The following DAB1 variants were observed in gnomAD, a reference collection of about 807,000 sequenced individuals.
The protein encoded by DAB1 is DAB adaptor protein 1, also known as disabled homolog 1.
Under a neutral mutation model 64.6 loss-of-function variants are expected in DAB1, and 15 were observed. That is an observed-to-expected ratio of 0.23 (90% CI 0.16 to 0.36). The LOEUF is 0.36. Among genes scored for constraint, DAB1 ranks in the 10% least tolerant of loss-of-function variants. The probability of loss-of-function intolerance (pLI) is 1.00; values close to 1 mark genes in which losing one functional copy is unlikely to be tolerated. For synonymous variants in DAB1, 235 were observed against 251.9 expected (o/e 0.93, Z 0.64); for missense variants, 596 against 706.7 (o/e 0.84, Z 1.78).
intron 1 of DAB1, among the ~76,000 whole-genome samples, chr1:57,332,989 C>A (rs1676797414): frequency 1.3e-5 from 2 of 152,298 alleles, no homozygotes; most frequent in South Asian, 4.1e-4. Context: ...CTTCGCTTTG[C>A]TCTTTGCGTG....
At chr1:57,198,890 G>C (rs1476523406) in intron 2 of DAB1, among the ~76,000 whole-genome samples, 4 of 152,126 alleles carry the variant, frequency 2.6e-5, no homozygotes, top group Non-Finnish European at 5.9e-5. Context: ...AGTGTGTTGA[G>C]TGTGGAATAG....
chr1:57,188,033 T>C (rs1398006356), intron 2 of DAB1, among the ~76,000 whole-genome samples: 1 of 152,120 alleles, frequency 6.6e-6, no homozygotes, highest in African/African-American at 2.4e-5. Context: ...GCCTGGAACA[T>C]AGGAAAGATG....
chr1:57,897,402 T>C (rs987027816), intron 5 of DAB1, among the ~76,000 whole-genome samples: 2 of 152,114 alleles, frequency 1.3e-5, no homozygotes, highest in African/African-American at 4.8e-5. Flanking sequence ...ATCTTGTCTT[T>C]TCATTGTGGA....
At chr1:57,160,277 G>A (rs768494831) in intron 2 of DAB1, among the ~76,000 whole-genome samples, 2 of 152,118 alleles carry the variant, frequency 1.3e-5, no homozygotes, top group Non-Finnish European at 2.9e-5. Context: ...CTTTTTCATT[G>A]TCCTTTTGTT....
At chr1:57,595,854 C>G (rs12741785) in intron 7 of DAB1, among the ~76,000 whole-genome samples, 36,141 of 152,032 alleles carry the variant, frequency 0.24, 4,716 homozygotes, top group East Asian at 0.29. Context: ...GTGCCTGCTT[C>G]CCCTTCCCCT....
intron 5 of DAB1, among the ~76,000 whole-genome samples, chr1:57,939,562 C>G (rs1645073966): frequency 6.6e-6 from 1 of 152,192 alleles, no homozygotes; most frequent in African/African-American, 2.4e-5. Flanking sequence ...CCAACTCTTC[C>G]TTGTCCTTAA....
chr1:57,867,315 T>C (rs1654347715), intron 1 of DAB1: 1 of 152,132 alleles, frequency 6.6e-6, no homozygotes, highest in Non-Finnish European at 1.5e-5. Context: ...ACCCTGGCGT[T>C]TGCCACCCCT....
At chr1:58,229,046 A>G (rs980414430) in intron 4 of DAB1, 3 of 299,400 alleles carry the variant, frequency 1.0e-5, no homozygotes, top group Middle Eastern at 9.9e-4. Context: ...AACTCACTGC[A>G]ACCTTGAACT....
chr1:58,439,591 C>T (rs982862436), intron 3 of DAB1, among the ~76,000 whole-genome samples: 3 of 152,156 alleles, frequency 2.0e-5, no homozygotes, highest in Non-Finnish European at 4.4e-5. Flanking sequence ...CCACTGGCCC[C>T]AGCATTTTAC....
At chr1:57,757,992 A>C (rs1648897895) in intron 6 of DAB1, among the ~76,000 whole-genome samples, 1 of 152,054 alleles carries the variant, frequency 6.6e-6, no homozygotes, top group Non-Finnish European at 1.5e-5. Flanking sequence ...AATTAAAAGA[A>C]AAATTGTAGA....
At chr1:57,208,619 T>A (rs1013876754) in intron 2 of DAB1, among the ~76,000 whole-genome samples, 1 of 152,230 alleles carries the variant, frequency 6.6e-6, no homozygotes, top group African/African-American at 2.4e-5. Context: ...ATCTGGCACA[T>A]GGTAAGTGAT....
intron 7 of DAB1, among the ~76,000 whole-genome samples, chr1:57,611,732 GGCCATCTGGCAGCA>G (rs530064346): frequency 1.9e-4 from 29 of 152,172 alleles, no homozygotes; most frequent in African/African-American, 5.1e-4. Context: ...GCCTGTCCTG[GGCCATCTGGCAGCA>G]GCCCCTAGCA....
intron 2 of DAB1, among the ~76,000 whole-genome samples, chr1:57,230,320 G>GAAA (rs77981305): frequency 3.3e-5 from 3 of 91,326 alleles, no homozygotes; most frequent in African/African-American, 3.8e-5. Flanking sequence ...CCCCTTCAGA[G>GAAA]AAAAAAAAAA....
At chr1:58,075,714 TA>T (rs1649595154) in intron 5 of DAB1, among the ~76,000 whole-genome samples, 1 of 152,186 alleles carries the variant, frequency 6.6e-6, no homozygotes, top group Admixed American at 6.5e-5. Flanking sequence ...TTCAAGAATG[TA>T]CTAGAACCAA....
intron 2 of DAB1, among the ~76,000 whole-genome samples, chr1:57,233,727 C>T (rs1667879371): frequency 6.6e-6 from 1 of 151,428 alleles, no homozygotes; most frequent in Admixed American, 6.6e-5. Flanking sequence ...CCACTGCACT[C>T]CAGCCTGGGC....
chr1:57,973,845 C>T (rs1645856110), intron 5 of DAB1, among the ~76,000 whole-genome samples: 2 of 152,130 alleles, frequency 1.3e-5, no homozygotes, highest in South Asian at 2.1e-4. Flanking sequence ...TCTTGCCTCC[C>T]TATAGTGACT....
At chr1:57,137,884 A>G (rs1331106547) in intron 3 of DAB1, among the ~76,000 whole-genome samples, 3 of 152,112 alleles carry the variant, frequency 2.0e-5, no homozygotes. Context: ...CACCTTGGGT[A>G]TTGGAAATAT....
At chr1:58,417,926 A>C (rs1644737207) in intron 3 of DAB1, among the ~76,000 whole-genome samples, 3 of 152,154 alleles carry the variant, frequency 2.0e-5, no homozygotes, top group African/African-American at 7.2e-5. Flanking sequence ...TCACACAATG[A>C]AACTATCACA....
intron 4 of DAB1, among the ~76,000 whole-genome samples, chr1:57,117,557 T>G (rs540229846): frequency 6.6e-6 from 1 of 152,316 alleles, no homozygotes; most frequent in Non-Finnish European, 1.5e-5. Context: ...CAGAGCATTT[T>G]GCAGTTTTCA....
Sources: gnomAD v4.1 joint callset for allele counts (sites outside exome capture counted in the v4.1 genomes callset) on GRCh38, gnomAD v4.1.1 for gene constraint, MANE v1.5 for transcripts, NCBI Gene and HGNC (gene_info 2026-07-23, HGNC 2026-07-21) for gene names.